DOCK5: variants seen among roughly 807,000 people sequenced by gnomAD.
The protein encoded by DOCK5 is dedicator of cytokinesis protein 5.
Under a neutral mutation model 251.8 loss-of-function variants are expected in DOCK5, and 142 were observed. The ratio of observed to expected loss-of-function variants is 0.56; its 90% confidence interval spans 0.49 to 0.65. The LOEUF is 0.65. DOCK5 is among the 30% of genes least tolerant of loss of function. DOCK5 has a pLI of 0.00. For synonymous variants in DOCK5, 842 were observed against 835.5 expected (o/e 1.01, Z -0.13); for missense variants, 2,111 against 2,312.3 (o/e 0.91, Z 1.79).
intron 5 of DOCK5, among the ~76,000 whole-genome samples, chr8:25,282,725 C>A (rs1016340278): frequency 6.6e-6 from 1 of 151,740 alleles, no homozygotes; most frequent in African/African-American, 2.4e-5. Context: ...TGGCACATAC[C>A]TGTAATCTAG....
At chr8:25,290,741 C>G (rs1244802830) in intron 5 of DOCK5, among the ~76,000 whole-genome samples, 1 of 152,222 alleles carries the variant, frequency 6.6e-6, no homozygotes, top group Non-Finnish European at 1.5e-5. Flanking sequence ...AACAAACTCT[C>G]TGTCCTATAA....
chr8:25,340,994 C>T lies in DOCK5; in HGVS notation c.2439+6C>T, dbSNP rs1475291049. The T allele has an allele frequency of 3.7e-6, 6 of 1,605,062 alleles. No individual in the cohort carries two copies. Among genetic ancestry groups the T allele is most frequent in the Non-Finnish European group, 4.3e-6 (5 of 1,174,330 alleles). On this transcript the variant is annotated splice_donor_region_variant and intron_variant, in intron 23 of 51. Transcript: ENST00000276440. ...AGGAAGCCGTCAAGATCAAGGTCAGCCTGGCAGCATCATGGGTAACTCTTC... is the reference window on the plus strand; with the variant it reads ...AGGAAGCCGTCAAGATCAAGGTCAGTCTGGCAGCATCATGGGTAACTCTTC...
At chr8:25,232,596 T>A (rs1247587923) in intron 1 of DOCK5, among the ~76,000 whole-genome samples, 1 of 152,192 alleles carries the variant, frequency 6.6e-6, no homozygotes, top group African/African-American at 2.4e-5. Context: ...TGCCAACTTA[T>A]CACTGTGTCC....
intron 18 of DOCK5, among the ~76,000 whole-genome samples, chr8:25,330,085 G>A (rs1302653048): frequency 6.6e-6 from 1 of 152,178 alleles, no homozygotes; most frequent in Non-Finnish European, 1.5e-5. Context: ...TTCACCCCTG[G>A]TGAAGGGACT....
At chr8:25,202,016 A>T (rs910724868) in intron 1 of DOCK5, among the ~76,000 whole-genome samples, 1 of 152,004 alleles carries the variant, frequency 6.6e-6, no homozygotes, top group African/African-American at 2.4e-5. Flanking sequence ...ATATATATAT[A>T]TATTTTTTTC....
chr8:25,314,283 ATT>A (rs370101405), intron 13 of DOCK5, among the ~76,000 whole-genome samples: 9 of 135,158 alleles, frequency 6.7e-5, no homozygotes, highest in Admixed American at 2.2e-4. Flanking sequence ...GGCTAATTTA[ATT>A]TTTTTTTTTT....
intron 18 of DOCK5, 92 bp downstream of exon 18, chr8:25,325,639 C>A: frequency 1.4e-6 from 2 of 1,462,716 alleles, no homozygotes; most frequent in Non-Finnish European, 1.8e-6. Flanking sequence ...CTATATGGGG[C>A]TGGGTCTTAT....
At position 25,249,901 on chromosome 8, in the gene DOCK5, C is replaced by T. The variant is rs531872757; in HGVS notation, c.127+6144C>T. Among the ~76,000 whole-genome samples, 175 of 149,644 alleles carry T rather than the reference C, an allele frequency of 1.2e-3. 2 individuals are homozygous for T. Among genetic ancestry groups the T allele is most frequent in the Non-Finnish European group, 2.9e-5 (2 of 68,022 alleles). On this transcript the variant is annotated intron_variant, in intron 2 of 51. Transcript: ENST00000276440. ...ATAGGCATGAGCCACTGCACCTGGC[C>T]CAACTTCATCTCTTTTCATTGCTGA... is the stretch of plus-strand genomic sequence containing the variant.
At chr8:25,198,403 C>T (rs914223043) in intron 1 of DOCK5, among the ~76,000 whole-genome samples, 1 of 152,076 alleles carries the variant, frequency 6.6e-6, no homozygotes, top group African/African-American at 2.4e-5. Context: ...GAAACCCCAT[C>T]TCGACTAAAA....
chr8:25,215,241 T>C (rs183298848), intron 1 of DOCK5, among the ~76,000 whole-genome samples: 2 of 152,214 alleles, frequency 1.3e-5, no homozygotes, highest in African/African-American at 4.8e-5. Flanking sequence ...GATTTCAGCT[T>C]TAAAACATGG....
chr8:25,226,966 CTAAT>C (rs1173800431), intron 1 of DOCK5, among the ~76,000 whole-genome samples: 28 of 152,168 alleles, frequency 1.8e-4, no homozygotes, highest in African/African-American at 6.3e-4. Flanking sequence ...TAAAAGGTGA[CTAAT>C]TATCTGTGGG....
chr8:25,317,236 A>AT (rs1805277061), intron 14 of DOCK5, 105 bp downstream of exon 14: 1 of 1,504,180 alleles, frequency 6.6e-7, no homozygotes, highest in Non-Finnish European at 8.9e-7. Context: ...GATGGGTTTG[A>AT]TTTTTCCTGA....
intron 2 of DOCK5, among the ~76,000 whole-genome samples, chr8:25,266,450 C>T (rs1803755389): frequency 6.6e-6 from 1 of 151,700 alleles, no homozygotes; most frequent in Non-Finnish European, 1.5e-5. Context: ...CTCCTGACCT[C>T]GTGATCCGCC....
At chr8:25,347,143 A>G (rs886519415) in intron 26 of DOCK5, among the ~76,000 whole-genome samples, 1 of 152,222 alleles carries the variant, frequency 6.6e-6, no homozygotes, top group Admixed American at 6.5e-5. Context: ...ACCTTTTCCC[A>G]TAGCTAAACC....
At chr8:25,376,059 A>G in intron 37 of DOCK5, 1 of 970,422 alleles carries the variant, frequency 1.0e-6, no homozygotes, top group Non-Finnish European at 1.2e-6. Context: ...AGATGGTGCC[A>G]CCATACTCCA....
chr8:25,253,756 T>C (rs1341272101), intron 2 of DOCK5, among the ~76,000 whole-genome samples: 1 of 152,224 alleles, frequency 6.6e-6, no homozygotes, highest in East Asian at 1.9e-4. Context: ...TTTGAAATAC[T>C]AAATAAATGG....
chr8:25,218,361 C>T (rs190306739), intron 1 of DOCK5, among the ~76,000 whole-genome samples: 237 of 152,276 alleles, frequency 1.6e-3, no homozygotes, highest in African/African-American at 5.4e-3. Context: ...CCGGGGTGGC[C>T]GCAGAGCTCA....
At chr8:25,215,544 G>C (rs978695867) in intron 1 of DOCK5, among the ~76,000 whole-genome samples, 1 of 152,064 alleles carries the variant, frequency 6.6e-6, no homozygotes, top group African/African-American at 2.4e-5. Flanking sequence ...TGTGAAGGTA[G>C]GACAGTGACT....
At chr8:25,309,106 G>C (rs947551607) in intron 12 of DOCK5, among the ~76,000 whole-genome samples, 181 bp downstream of exon 12, 1 of 152,176 alleles carries the variant, frequency 6.6e-6, no homozygotes, top group Admixed American at 6.6e-5. Flanking sequence ...GATGCACCCA[G>C]CGGTGATTTG....
Sources: gnomAD v4.1 joint callset for allele counts (sites outside exome capture counted in the v4.1 genomes callset) on GRCh38, gnomAD v4.1.1 for gene constraint, MANE v1.5 for transcripts, NCBI Gene and HGNC (gene_info 2026-07-23, HGNC 2026-07-21) for gene names.